The following SPECC1 variants were observed in gnomAD, a reference collection of about 807,000 sequenced individuals.
SPECC1 encodes the protein sperm antigen with calponin homology and coiled-coil domains 1.
A neutral mutation model predicts 104.1 loss-of-function variants in SPECC1; 62 were observed. The ratio of observed to expected loss-of-function variants is 0.60; its 90% CI spans 0.49 to 0.74. The LOEUF (loss-of-function observed/expected upper bound fraction) is 0.74, where lower values mean the gene tolerates loss of function less well. SPECC1 is among the 30% of genes least tolerant of loss of function. SPECC1 has a pLI of 0.00. For missense variants in SPECC1, 1,306 were observed against 1,310.5 expected, an observed-to-expected ratio of 1.00 and a Z score of 0.05; for synonymous variants, 513 against 501.6, an observed-to-expected ratio of 1.02 and a Z score of -0.30.
chr17:20,267,576 A>G lies in SPECC1; in HGVS notation c.2940+7282A>G, dbSNP rs2040258928. ...AGTGATGTCTCTGGCTTGTGGCAGA[A>G]GTTGGGGAAATTCAAAGCATGAGAA... is the stretch of plus-strand genomic sequence containing the variant. On this transcript the variant is annotated intron_variant, in intron 12 of 14. Transcript: ENST00000395527. Among the ~76,000 whole-genome samples, 6 of 151,964 alleles carry G rather than the reference A, an allele frequency of 3.9e-5. No homozygotes were observed. In the South Asian group the frequency reaches 1.3e-3, roughly 32 times the overall value.
At position 20,246,005 on chromosome 17, in the gene SPECC1, C is replaced by T. The variant is rs371391520; in HGVS notation, c.2431C>T (p.Pro811Ser). ...WPGVCVSRTS[P>S]TPPESATTVK... ...TGGTGTCTGTGTTAGCAGAACATCT[C>T]CAACACCCCCAGAGTCGGCAACCAC... Residue 811 changes from proline (P) to serine (S), a missense_variant, in exon 8 of 15, where the codon CCA (proline) becomes TCA (serine). Pro to Ser is a moderately conservative substitution (Grantham distance 74, BLOSUM62 -1). Around this residue, in one of 2 missense-constraint regions of SPECC1, gnomAD observed 1,177 missense variants for 1,139.9 expected, o/e 1.03. Coordinates refer to ENST00000395527, the MANE Select transcript of SPECC1 (RefSeq NM_001243439.2). 27 of 1,614,142 alleles carry T rather than the reference C, an allele frequency of 1.7e-5. No homozygotes were observed. The highest frequency in any genetic ancestry group is 1.6e-4 in the African/African-American group (12 of 75,032).
Position 20,315,210 on chromosome 17 carries a change from T to A in SPECC1, c.*1145T>A. 1 of 232,746 alleles carries A rather than the reference T, an allele frequency of 4.3e-6. No homozygotes were observed. The allele number at this position is 232,746 out of a possible 1,614,324, so 14.4% of individuals were successfully genotyped here. ...ACAGTATTTCGGCTCTGGACTGATT[T>A]GGCCTTTAGTGCTTCCCCAGGCCTC... On this transcript the variant is annotated 3_prime_UTR_variant, in exon 15 of 15. Transcript: ENST00000395527.
intron 14 of SPECC1, 165 bp downstream of exon 14, chr17:20,306,247 C>T: frequency 3.6e-6 from 2 of 559,198 alleles, no homozygotes; most frequent in Non-Finnish European, 6.2e-6. Flanking sequence ...CACATATCAA[C>T]ATATGATTTA....
intron 3 of SPECC1, among the ~76,000 whole-genome samples, chr17:20,144,069 G>A (rs1459924553): frequency 1.3e-5 from 2 of 152,024 alleles, no homozygotes; most frequent in African/African-American, 4.8e-5. Context: ...GAGAAAAGGT[G>A]ACACACTCCT....
At chr17:20,114,220 T>C (rs962364847) in intron 3 of SPECC1, among the ~76,000 whole-genome samples, 2 of 152,174 alleles carry the variant, frequency 1.3e-5, no homozygotes, top group Admixed American at 1.3e-4. Flanking sequence ...TGAGACAGAG[T>C]ATCAGTCTGT....
At chr17:20,218,622 T>C (rs1247731044) in intron 4 of SPECC1, among the ~76,000 whole-genome samples, 2 of 151,822 alleles carry the variant, frequency 1.3e-5, no homozygotes, top group East Asian at 3.9e-4. Flanking sequence ...TCCTCCCCCC[T>C]CCCTTATTCT....
intron 1 of SPECC1, among the ~76,000 whole-genome samples, chr17:20,024,195 G>C (rs183167646): frequency 5.9e-5 from 9 of 152,270 alleles, no homozygotes; most frequent in African/African-American, 1.9e-4. Flanking sequence ...CTTAGAATTT[G>C]ACTTCAAATC....
intron 9 of SPECC1, among the ~76,000 whole-genome samples, chr17:20,252,489 C>T (rs2039669393): frequency 6.6e-6 from 1 of 151,986 alleles, no homozygotes; most frequent in South Asian, 2.1e-4. Context: ...TCTTGCCTGA[C>T]TGAAACTCTG....
rs190572322 is a variant in SPECC1 at position 20,119,471 on chromosome 17, A to T, written c.283+8909A>T. Among the ~76,000 whole-genome samples, 11 of 152,356 alleles carry T rather than the reference A, an allele frequency of 7.2e-5. No homozygotes were observed. In the East Asian group the frequency reaches 1.9e-3, roughly 27 times the overall value. ...GGTCTTGAACTCCCAACCTCAGGTG[A>T]TCCACCTGCCTCAGCCTCCCAAAGT... On this transcript the variant is annotated intron_variant, in intron 3 of 14. Transcript: ENST00000395527.
At position 20,015,584 on chromosome 17, in the gene SPECC1, A is replaced by ATTTTT. The variant is rs1222758913; in HGVS notation, c.-22+6174_-22+6178dup. ...CATATTTTTAACTTTCCGGGTCTCT[A>ATTTTT]TTTTTTTTTTTTTTTTTTGAGGTGG... On this transcript the variant is annotated intron_variant, in intron 1 of 14. Transcript: ENST00000395527. 1.7e-3 allele frequency among the ~76,000 whole-genome samples: 173 copies of ATTTTT among 102,066 alleles called. 11 individuals are homozygous for ATTTTT. The highest frequency in any genetic ancestry group is 4.4e-3 in the African/African-American group (128 of 28,890). The allele number at this position is 102,066 out of a possible 152,430, so 67.0% of individuals were successfully genotyped here.
intron 3 of SPECC1, among the ~76,000 whole-genome samples, chr17:20,160,803 TCTA>T (rs1199898772): frequency 6.6e-6 from 1 of 152,166 alleles, no homozygotes; most frequent in Non-Finnish European, 1.5e-5. Context: ...TTCAAGCCTC[TCTA>T]CTACTAACCT....
At position 20,318,086 on chromosome 17, in the gene SPECC1, CA is replaced by C. The variant is rs528360145; in HGVS notation, c.*4022del. On this transcript the variant is annotated 3_prime_UTR_variant, in exon 15 of 15. Coordinates refer to ENST00000395527, the MANE Select transcript of SPECC1 (RefSeq NM_001243439.2). ...AGGATTTCAAAGACCACAACAGCCACATTTCTTTCCATCTTCCCTCAGCCAG... is the reference window on the plus strand; with the variant it reads ...AGGATTTCAAAGACCACAACAGCCACTTTCTTTCCATCTTCCCTCAGCCAG... The C allele has an allele frequency of 2.6e-5, 6 of 231,254 alleles. No individual in the cohort carries two copies. The East Asian group carries it at 3.1e-4, about 12-fold the overall frequency. 14.3% of individuals were successfully genotyped at this position (231,254 alleles called of 1,614,324 possible).
chr17:20,236,217 G>A (rs575673240), intron 7 of SPECC1, among the ~76,000 whole-genome samples: 6 of 152,274 alleles, frequency 3.9e-5, no homozygotes. Flanking sequence ...TAGCACCCAT[G>A]ACGGCATGAT....
chr17:20,054,097 C>G (rs1038811620), intron 1 of SPECC1, among the ~76,000 whole-genome samples: 2 of 152,222 alleles, frequency 1.3e-5, no homozygotes, highest in African/African-American at 2.4e-5. Flanking sequence ...ATCATCTAGA[C>G]TGTTTCAGTT....
At chr17:20,284,736 A>G (rs1246235570) in intron 12 of SPECC1, among the ~76,000 whole-genome samples, 4 of 152,204 alleles carry the variant, frequency 2.6e-5, no homozygotes, top group African/African-American at 7.2e-5. Flanking sequence ...TCCAAAAACT[A>G]AAAACTCAAT....
chr17:20,041,620 CTTTT>C (rs35255510), intron 1 of SPECC1, among the ~76,000 whole-genome samples: 28 of 51,192 alleles, frequency 5.5e-4, no homozygotes, highest in African/African-American at 1.2e-3. Context: ...TTTGTTGAGG[CTTTT>C]TTTTTTTTTT....
intron 3 of SPECC1, among the ~76,000 whole-genome samples, chr17:20,164,378 G>T (rs1217906308): frequency 6.6e-6 from 1 of 151,808 alleles, no homozygotes; most frequent in Non-Finnish European, 1.5e-5. Context: ...TGTTGCCCAG[G>T]CTAGTCTCCA....
chr17:20,309,429 A>G (rs1598180938), intron 14 of SPECC1, among the ~76,000 whole-genome samples: 1 of 152,222 alleles, frequency 6.6e-6, no homozygotes, highest in African/African-American at 2.4e-5. Context: ...AGATTCAAGG[A>G]GTACATGTAC....
At chr17:20,151,776 T>C (rs1164583383) in intron 3 of SPECC1, among the ~76,000 whole-genome samples, 1 of 152,216 alleles carries the variant, frequency 6.6e-6, no homozygotes, top group East Asian at 1.9e-4. Flanking sequence ...TGGCTGGGCA[T>C]GGTGGCTCAT....
Sources: allele counts gnomAD v4.1 joint callset (sites outside exome capture counted in the v4.1 genomes callset), GRCh38; gene constraint gnomAD v4.1.1; regional missense constraint gnomAD v4.1.1; transcripts MANE v1.5; gene names NCBI Gene and HGNC (gene_info 2026-07-23, HGNC 2026-07-21).